The following ADGRL3 variants were observed in gnomAD, a reference collection of about 807,000 sequenced individuals.
ADGRL3 encodes the protein adhesion G protein-coupled receptor L3, also known as calcium-independent alpha-latrotoxin receptor 3.
A neutral mutation model predicts 153.5 loss-of-function variants in ADGRL3; 62 were observed. The ratio of observed to expected loss-of-function variants is 0.40; its 90% CI spans 0.33 to 0.50. ADGRL3 has a LOEUF of 0.50. Among genes scored for constraint, ADGRL3 ranks in the 20% least tolerant of loss-of-function variants. ADGRL3 has a pLI of 0.47. For missense variants in ADGRL3, 1,641 were observed against 1,859.4 expected, an observed-to-expected ratio of 0.88 and a Z score of 2.16; for synonymous variants, 710 against 672.5, an observed-to-expected ratio of 1.06 and a Z score of -0.86.
intron 4 of ADGRL3, among the ~76,000 whole-genome samples, chr4:61,545,663 G>A (rs1457145935): frequency 1.3e-5 from 2 of 152,022 alleles, no homozygotes; most frequent in Non-Finnish European, 2.9e-5. Flanking sequence ...ACAGGCGCAC[G>A]CCACCACACC....
intron 1 of ADGRL3, among the ~76,000 whole-genome samples, chr4:61,270,901 G>A (rs984092090): frequency 6.6e-6 from 1 of 151,622 alleles, no homozygotes; most frequent in African/African-American, 2.4e-5. Context: ...TATTCATATG[G>A]CACTTTTGTA....
chr4:61,400,932 C>G (rs2096922986), intron 2 of ADGRL3, among the ~76,000 whole-genome samples: 1 of 151,274 alleles, frequency 6.6e-6, no homozygotes, highest in Admixed American at 6.6e-5. Context: ...TGAGGATGCT[C>G]TGTTTGCATT....
intron 9 of ADGRL3, among the ~76,000 whole-genome samples, chr4:61,841,537 A>G (rs754222661): frequency 6.6e-6 from 1 of 152,190 alleles, no homozygotes; most frequent in South Asian, 2.1e-4. Context: ...GGAAGGTGAG[A>G]AAAAGGGGTT....
Position 61,201,177 on chromosome 4 carries a change from A to C in ADGRL3, c.-828A>C, listed in dbSNP as rs1323061064. On this transcript the variant is annotated 5_prime_UTR_variant, in exon 1 of 27. Transcript: ENST00000683033. ...ACGTGGAAGAAGAAAAAGAAAGAGA[A>C]GGGGGGTGGGGTGGGAGAACTGGAT... 7.9e-6 allele frequency: 1 copy of C among 126,054 alleles called. No individual in the cohort carries two copies. Among genetic ancestry groups the C allele is most frequent in the East Asian group, 2.6e-4 (1 of 3,862 alleles). The allele number at this position is 126,054 out of a possible 1,614,324, so 7.8% of individuals were successfully genotyped here. A position where few individuals can be genotyped will look rare whatever the true frequency, so the allele number is the denominator to read the frequency against.
chr4:61,683,720 T>G (rs1303771635), intron 6 of ADGRL3, among the ~76,000 whole-genome samples: 1 of 152,146 alleles, frequency 6.6e-6, no homozygotes, highest in Admixed American at 6.6e-5. Flanking sequence ...TCCAAGGATT[T>G]AACTTGTAGC....
At chr4:61,855,921 G>T (rs1225496374) in intron 9 of ADGRL3, among the ~76,000 whole-genome samples, 1 of 152,068 alleles carries the variant, frequency 6.6e-6, no homozygotes, top group Admixed American at 6.5e-5. Flanking sequence ...GGTTCATTAA[G>T]AATATTGAAA....
chr4:61,337,037 G>T (rs2095692159), intron 1 of ADGRL3, among the ~76,000 whole-genome samples: 1 of 142,210 alleles, frequency 7.0e-6, no homozygotes, highest in Non-Finnish European at 1.5e-5. Flanking sequence ...CCTACCTGTG[G>T]AGGTGTGGAT....
In ADGRL3 at chr4:61,869,991, GGAGA is replaced by G. The variant is rs1178772578; in HGVS notation, c.1481-22648_1481-22645del. ...GAGAGAGAGAAAGAGAGAGAGAGAG[GGAGA>G]GAGAGAGAGAGAGAGAAAGGAAAGA... On this transcript the variant is annotated intron_variant, in intron 9 of 26. Transcript: ENST00000683033. 9.8e-3 allele frequency among the ~76,000 whole-genome samples: 792 copies of G among 80,960 alleles called. 9 individuals carry two copies. The highest frequency in any genetic ancestry group is 0.028 in the African/African-American group (690 of 24,328). 53.1% of individuals were successfully genotyped at this position (80,960 alleles called of 152,430 possible).
chr4:61,646,033 A>G (rs1350964006), intron 5 of ADGRL3, among the ~76,000 whole-genome samples: 4 of 151,716 alleles, frequency 2.6e-5, no homozygotes, highest in Non-Finnish European at 4.4e-5. Context: ...CATTTCATTC[A>G]TTTCATCTTC....
chr4:62,053,973 C>G (rs2151790838), intron 25 of ADGRL3, among the ~76,000 whole-genome samples: 1 of 151,544 alleles, frequency 6.6e-6, no homozygotes, highest in East Asian at 1.9e-4. Flanking sequence ...TATTTCAGCA[C>G]AAATTCACAA....
chr4:61,910,444 T>C (rs1327965722), intron 12 of ADGRL3, among the ~76,000 whole-genome samples: 1 of 112,010 alleles, frequency 8.9e-6, no homozygotes, highest in Non-Finnish European at 1.8e-5. Context: ...ATAAATGAAA[T>C]AGGCATTTAG....
intron 5 of ADGRL3, among the ~76,000 whole-genome samples, chr4:61,618,688 T>A (rs561304279): frequency 1.3e-4 from 20 of 152,172 alleles, no homozygotes; most frequent in African/African-American, 2.6e-4. Context: ...GTGCAAGCAG[T>A]TTTCAAGCCT....
Position 62,072,322 on chromosome 4 carries a change from T to A in ADGRL3, c.*1414T>A, listed in dbSNP as rs942176838. 7.9e-5 allele frequency: 12 copies of A among 152,136 alleles called. No individual in the cohort carries two copies. Among genetic ancestry groups the A allele is most frequent in the African/African-American group, 2.9e-4 (12 of 41,328 alleles). The allele number at this position is 152,136 out of a possible 1,614,324, so 9.4% of individuals were successfully genotyped here. The stretch of plus-strand genomic sequence containing the variant: ...AAAGGTAAATTAGCAGCACATATAA[T>A]TTTTTTTTAATTTATGATCCATTTT... On this transcript the variant is annotated 3_prime_UTR_variant, in exon 27 of 27. Transcript: ENST00000683033.
At chr4:61,203,881 T>C (rs1232458022) in intron 1 of ADGRL3, among the ~76,000 whole-genome samples, 1 of 149,660 alleles carries the variant, frequency 6.7e-6, no homozygotes, top group Non-Finnish European at 1.5e-5. Context: ...GATATTTGTG[T>C]GTTGAATTAT....
intron 6 of ADGRL3, among the ~76,000 whole-genome samples, chr4:61,684,475 A>G (rs1457343363): frequency 6.6e-6 from 1 of 152,118 alleles, no homozygotes. Context: ...TCAAGACTTC[A>G]TGAAATCCAG....
At chr4:61,292,582 G>A (rs1472429606) in intron 1 of ADGRL3, among the ~76,000 whole-genome samples, 1 of 152,140 alleles carries the variant, frequency 6.6e-6, no homozygotes, top group Non-Finnish European at 1.5e-5. Context: ...ACTGCCAACA[G>A]TGCATATGAC....
chr4:61,473,022 G>C (rs986280552), intron 2 of ADGRL3, among the ~76,000 whole-genome samples: 1 of 152,104 alleles, frequency 6.6e-6, no homozygotes, highest in East Asian at 1.9e-4. Context: ...TGAAAACTGT[G>C]AAGAGGACAT....
intron 1 of ADGRL3, among the ~76,000 whole-genome samples, chr4:61,289,554 G>A (rs765185335): frequency 1.3e-5 from 2 of 151,852 alleles, no homozygotes; most frequent in Admixed American, 6.6e-5. Context: ...ATATAGTAAG[G>A]CACCCATTTA....
At chr4:61,796,650 G>A (rs1244654860) in intron 8 of ADGRL3, among the ~76,000 whole-genome samples, 2 of 151,956 alleles carry the variant, frequency 1.3e-5, no homozygotes, top group Non-Finnish European at 2.9e-5. Context: ...TTTGAAAATG[G>A]CTTTACTGTT....
Sources: allele counts gnomAD v4.1 joint callset (sites outside exome capture counted in the v4.1 genomes callset), GRCh38; gene constraint gnomAD v4.1.1; transcripts MANE v1.5; gene names NCBI Gene and HGNC (gene_info 2026-07-23, HGNC 2026-07-21).